The following SMYD3 variants were observed in gnomAD, a reference collection of about 807,000 sequenced individuals.
The protein encoded by SMYD3 is SET and MYND domain containing 3.
A neutral mutation model predicts 57.7 loss-of-function variants in SMYD3; 36 were observed. The observed-to-expected ratio is 0.62, with a 90% CI of 0.48 to 0.82. The LOEUF (loss-of-function observed/expected upper bound fraction) is 0.82, where lower values mean the gene tolerates loss of function less well. Among genes scored for constraint, SMYD3 ranks in the 40% least tolerant of loss-of-function variants. The pLI, the probability that SMYD3 is intolerant of heterozygous loss-of-function variation, is 0.00. For synonymous variants in SMYD3, 211 were observed against 195.0 expected (o/e 1.08, Z -0.68); for missense variants, 515 against 538.8 (o/e 0.96, Z 0.44).
intron 10 of SMYD3, among the ~76,000 whole-genome samples, chr1:245,772,871 A>C (rs2046391607): frequency 1.3e-5 from 2 of 152,168 alleles, no homozygotes; most frequent in Admixed American, 6.5e-5. Flanking sequence ...AGGAGATACA[A>C]GATTTGGGCT....
At chr1:246,009,312 T>C (rs1309731770) in intron 5 of SMYD3, among the ~76,000 whole-genome samples, 1 of 152,330 alleles carries the variant, frequency 6.6e-6, no homozygotes, top group African/African-American at 2.4e-5. Context: ...TAGGTTGTTT[T>C]TGATGCAAAA....
chr1:246,180,072 T>G lies in SMYD3; in HGVS notation c.531+147129A>C, dbSNP rs140760980. The stretch of plus-strand genomic sequence containing the variant: ...CCAATAACCCCAGCACTTTGGGAGG[T>G]CAAGGCAGGAGGATCACTTGAGCCA... On this transcript the variant is annotated intron_variant, in intron 5 of 11. Coordinates refer to ENST00000490107, the MANE Select transcript of SMYD3 (RefSeq NM_001167740.2). Among the ~76,000 whole-genome samples, 16 of 148,806 alleles carry G rather than the reference T, an allele frequency of 1.1e-4. No individual in the cohort carries two copies. The East Asian group carries it at 3.2e-3, about 30-fold the overall frequency.
intron 5 of SMYD3, among the ~76,000 whole-genome samples, chr1:246,255,469 G>A (rs921941927): frequency 1.3e-5 from 2 of 151,848 alleles, no homozygotes; most frequent in African/African-American, 4.8e-5. Flanking sequence ...TGTTTATGTG[G>A]TGAATCACAC....
rs201420731 is a variant in SMYD3 at position 246,489,451 on chromosome 1, G to GT, written c.164+17602_164+17603insA. 9.5e-3 allele frequency among the ~76,000 whole-genome samples: 1,446 copies of GT among 152,278 alleles called. 15 individuals carry two copies. The highest frequency in any genetic ancestry group is 0.04 in the South Asian group (191 of 4,818). On this transcript the variant is annotated intron_variant, in intron 1 of 11. Coordinates refer to ENST00000490107, the MANE Select transcript of SMYD3 (RefSeq NM_001167740.2). ...CATTTACTCCTCATGAAGATCACGA[G>GT]GTAGCTATTTCCCTATTTTATGAAT...
Position 246,507,218 on chromosome 1 carries a change from C to T in SMYD3, c.-1G>A. 6.6e-7 allele frequency: 1 copy of T among 1,516,180 alleles called. No homozygotes were observed. The highest frequency in any genetic ancestry group is 8.8e-7 in the Non-Finnish European group (1 of 1,129,976). 93.9% of individuals were successfully genotyped at this position (1,516,180 alleles called of 1,614,324 possible). On this transcript the variant is annotated 5_prime_UTR_variant, in exon 1 of 12. Transcript: ENST00000490107. ...ACTTTTCCACCTTCAGCGGCTCCAT[C>T]CTCCCGCAGCTCCGGCACCTCAGAC...
chr1:246,070,340 G>A (rs2060421444), intron 5 of SMYD3, among the ~76,000 whole-genome samples: 1 of 152,120 alleles, frequency 6.6e-6, no homozygotes, highest in African/African-American at 2.4e-5. Context: ...TATCGATTAG[G>A]TCCAAATATA....
intron 5 of SMYD3, among the ~76,000 whole-genome samples, chr1:246,171,801 G>A (rs544638635): frequency 1.4e-3 from 216 of 152,222 alleles, no homozygotes; most frequent in Non-Finnish European, 2.5e-3. Context: ...GCTTGAGGCC[G>A]GGAGTTTGAG....
At chr1:246,244,384 G>A (rs2063668891) in intron 5 of SMYD3, among the ~76,000 whole-genome samples, 1 of 149,460 alleles carries the variant, frequency 6.7e-6, no homozygotes, top group Non-Finnish European at 1.5e-5. Context: ...TGTGAGTGTG[G>A]AAAAAAAAAA....
At chr1:245,951,745 G>A (rs1449250347) in intron 5 of SMYD3, among the ~76,000 whole-genome samples, 1 of 151,384 alleles carries the variant, frequency 6.6e-6, no homozygotes, top group East Asian at 2.0e-4. Flanking sequence ...TTTCTCATGT[G>A]TGAGATTCAA....
intron 5 of SMYD3, among the ~76,000 whole-genome samples, chr1:246,268,387 C>T (rs1160348398): frequency 6.6e-6 from 1 of 152,026 alleles, no homozygotes; most frequent in Admixed American, 6.5e-5. Context: ...AATAATCCAC[C>T]CCTTGTTTAG....
chr1:245,763,216 T>G (rs2045927686), intron 11 of SMYD3, among the ~76,000 whole-genome samples: 3 of 152,214 alleles, frequency 2.0e-5, no homozygotes, highest in Admixed American at 1.3e-4. Context: ...TCCTCCCTCC[T>G]CCTTCCCTCA....
intron 5 of SMYD3, among the ~76,000 whole-genome samples, chr1:246,306,499 C>T (rs1402860158): frequency 6.6e-6 from 1 of 152,118 alleles, no homozygotes; most frequent in Non-Finnish European, 1.5e-5. Flanking sequence ...AATACCTTAA[C>T]AGCATGGTGG....
chr1:246,348,427 T>C (rs10924701), intron 2 of SMYD3, among the ~76,000 whole-genome samples: 1 of 151,054 alleles, frequency 6.6e-6, no homozygotes, highest in South Asian at 2.1e-4. Context: ...GAAAAAAAAA[T>C]ATATATATAT....
intron 2 of SMYD3, among the ~76,000 whole-genome samples, chr1:246,338,559 C>T (rs576597945): frequency 1.3e-5 from 2 of 152,016 alleles, no homozygotes; most frequent in Non-Finnish European, 2.9e-5. Flanking sequence ...TGAAAATTAA[C>T]AATGATGTAC....
At chr1:246,001,352 T>G (rs1472378165) in intron 5 of SMYD3, among the ~76,000 whole-genome samples, 1 of 152,184 alleles carries the variant, frequency 6.6e-6, no homozygotes, top group Non-Finnish European at 1.5e-5. Context: ...ACAAGTATGA[T>G]TCCCACAAGC....
rs1558485860 is a variant in SMYD3 at position 246,484,181 on chromosome 1, GCACTAGTTACACCTAAAAACA to G, written c.164+22852_164+22872del. 4.9e-3 allele frequency among the ~76,000 whole-genome samples: 312 copies of G among 63,806 alleles called. 57 individuals are homozygous for G. The highest frequency in any genetic ancestry group is 6.3e-3 in the African/African-American group (51 of 8,048). The allele number at this position is 63,806 out of a possible 152,430, so 41.9% of individuals were successfully genotyped here. A position where few individuals can be genotyped will look rare whatever the true frequency, so the allele number is the denominator to read the frequency against. ...CTTCAACCAAAATACCTAAACCATT[GCACTAGTTACACCTAAAAACA>G]CATCACTTCAACCAAAATACCTAAA... On this transcript the variant is annotated intron_variant, in intron 1 of 11. Transcript: ENST00000490107.
At chr1:245,808,651 G>A (rs903461121) in intron 10 of SMYD3, among the ~76,000 whole-genome samples, 1 of 152,208 alleles carries the variant, frequency 6.6e-6, no homozygotes, top group Non-Finnish European at 1.5e-5. Context: ...TGTTGTGCAG[G>A]TGTAGTTGTC....
At chr1:245,816,304 G>A (rs1479821445) in intron 10 of SMYD3, among the ~76,000 whole-genome samples, 1 of 151,912 alleles carries the variant, frequency 6.6e-6, no homozygotes, top group South Asian at 2.1e-4. Flanking sequence ...GGGTGGCTAG[G>A]GGGTGGACAG....
intron 5 of SMYD3, among the ~76,000 whole-genome samples, chr1:246,042,372 A>G (rs1479633588): frequency 1.3e-5 from 2 of 152,188 alleles, no homozygotes; most frequent in African/African-American, 4.8e-5. Flanking sequence ...GTATAAGAAT[A>G]TAACTGTAAT....
Sources: gnomAD v4.1 joint callset for allele counts (sites outside exome capture counted in the v4.1 genomes callset) on GRCh38, gnomAD v4.1.1 for gene constraint, MANE v1.5 for transcripts, NCBI Gene and HGNC (gene_info 2026-07-23, HGNC 2026-07-21) for gene names.